The following TIAM1 variants were observed in gnomAD, a reference collection of about 807,000 sequenced individuals.
TIAM1 encodes rho guanine nucleotide exchange factor TIAM1.
TIAM1 carries 65 observed loss-of-function variants against 163.5 expected under a neutral mutation model. The ratio of observed to expected loss-of-function variants is 0.40; its 90% CI spans 0.33 to 0.49. TIAM1 has a LOEUF of 0.49. Ranked by LOEUF, TIAM1 falls within the 20% of genes least tolerant of loss-of-function variation. The pLI, the probability that TIAM1 is intolerant of heterozygous loss-of-function variation, is 0.77. For missense variants in TIAM1, 1,789 were observed against 2,044.7 expected, an observed-to-expected ratio of 0.87 and a Z score of 2.41; for synonymous variants, 833 against 810.1, an observed-to-expected ratio of 1.03 and a Z score of -0.48.
chr21:31,217,262 CT>C (rs1030346277), intron 9 of TIAM1, among the ~76,000 whole-genome samples: 33 of 151,856 alleles, frequency 2.2e-4, no homozygotes, highest in African/African-American at 7.5e-4. Context: ...CAGAGCCCTG[CT>C]TTTTCCTGAA....
At chr21:31,433,271 G>A (rs2044104145) in intron 2 of TIAM1, among the ~76,000 whole-genome samples, 1 of 152,142 alleles carries the variant, frequency 6.6e-6, no homozygotes, top group East Asian at 1.9e-4. Context: ...ATAGTTATTG[G>A]TATCATTTAG....
chr21:31,453,953 T>C (rs1245287364), intron 2 of TIAM1, among the ~76,000 whole-genome samples: 1 of 152,112 alleles, frequency 6.6e-6, no homozygotes, highest in Non-Finnish European at 1.5e-5. Flanking sequence ...CGAGCTGTTA[T>C]TACCTCTTCC....
chr21:31,308,400 C>T (rs2074798318), intron 2 of TIAM1, among the ~76,000 whole-genome samples: 1 of 151,146 alleles, frequency 6.6e-6, no homozygotes, highest in Non-Finnish European at 1.5e-5. Flanking sequence ...TTCATATATT[C>T]TATATGCCTA....
At chr21:31,282,099 C>T (rs980581133) in intron 2 of TIAM1, among the ~76,000 whole-genome samples, 13 of 152,166 alleles carry the variant, frequency 8.5e-5, no homozygotes, top group Non-Finnish European at 1.6e-4. Flanking sequence ...TAACAGTAAG[C>T]TTTATAACAG....
At chr21:31,154,460 T>G in intron 16 of TIAM1, 34 bp from the exon 17 acceptor site, 1 of 1,594,988 alleles carries the variant, frequency 6.3e-7, no homozygotes, top group Non-Finnish European at 8.6e-7. Context: ...AAGGCAGAGG[T>G]CATTATCCCT....
At chr21:31,236,051 G>A (rs1272449427) in intron 6 of TIAM1, among the ~76,000 whole-genome samples, 6 of 152,232 alleles carry the variant, frequency 3.9e-5, no homozygotes, top group Non-Finnish European at 8.8e-5. Context: ...GGAAAGGGGA[G>A]GTTTCAGGAG....
chr21:31,143,235 C>G (rs773183120), intron 20 of TIAM1, among the ~76,000 whole-genome samples: 7 of 152,154 alleles, frequency 4.6e-5, no homozygotes, highest in Non-Finnish European at 8.8e-5. Context: ...GGAAAAAGCA[C>G]ATTCTTCACA....
At chr21:31,540,409 G>A (rs780992406) in intron 1 of TIAM1, among the ~76,000 whole-genome samples, 1 of 151,004 alleles carries the variant, frequency 6.6e-6, no homozygotes, top group African/African-American at 2.4e-5. Context: ...AAAAGGTAGC[G>A]AGTACAATGG....
chr21:31,343,050 T>C (rs1396640412), intron 1 of TIAM1, among the ~76,000 whole-genome samples: 1 of 152,196 alleles, frequency 6.6e-6, no homozygotes, highest in Non-Finnish European at 1.5e-5. Flanking sequence ...TTGCTATAAA[T>C]ACAACAGGAG....
chr21:31,135,897 T>A, intron 23 of TIAM1, 36 bp downstream of exon 23: 1 of 1,574,744 alleles, frequency 6.4e-7, no homozygotes, highest in Non-Finnish European at 8.7e-7. Flanking sequence ...TAAGCTAGAC[T>A]TTTCCCCCTC....
rs73899686 is a variant in TIAM1 at position 31,205,500 on chromosome 21, C to T, written c.2389-2488G>A. 7.9e-3 allele frequency among the ~76,000 whole-genome samples: 1,203 copies of T among 152,330 alleles called. 14 individuals carry two copies. The highest frequency in any genetic ancestry group is 0.027 in the African/African-American group (1,119 of 41,582). On this transcript the variant is annotated intron_variant, in intron 11 of 27. Transcript: ENST00000541036. ...GTGTGAGAGACAGCCCACTGTCAGG[C>T]ACAAATAGCCTAAGGTGGTCCTGGT...
In TIAM1 at chr21:31,398,000, G is replaced by A. The variant is rs1336357861; in HGVS notation, c.-368-58578C>T. 2.0e-5 allele frequency among the ~76,000 whole-genome samples: 3 copies of A among 151,752 alleles called. No individual in the cohort carries two copies. The East Asian group carries it at 5.8e-4, about 29-fold the overall frequency. ...CTGTGCAGATCTGCACAGACTCCAA[G>A]TACCTCCCACTGCCATGGGATGTAC... On this transcript the variant is annotated intron_variant, in intron 2 of 28. Transcript: ENST00000286827.
At chr21:31,293,585 T>A (rs2074114685) in intron 2 of TIAM1, among the ~76,000 whole-genome samples, 1 of 152,162 alleles carries the variant, frequency 6.6e-6, no homozygotes, top group Admixed American at 6.5e-5. Flanking sequence ...CAATGCAATA[T>A]CCAACAGGTG....
chr21:31,455,078 C>T (rs1602321200), intron 2 of TIAM1, among the ~76,000 whole-genome samples: 1 of 151,980 alleles, frequency 6.6e-6, no homozygotes, highest in East Asian at 2.0e-4. Context: ...GTCAGGAGTT[C>T]GAGACCAGCC....
intron 1 of TIAM1, among the ~76,000 whole-genome samples, chr21:31,545,440 T>G (rs563774466): frequency 1.3e-5 from 2 of 152,282 alleles, no homozygotes; most frequent in African/African-American, 4.8e-5. Flanking sequence ...GGGAGGAAAC[T>G]AACAAAGACA....
At chr21:31,278,605 C>A (rs1424796040) in intron 2 of TIAM1, among the ~76,000 whole-genome samples, 1 of 152,210 alleles carries the variant, frequency 6.6e-6, no homozygotes, top group Non-Finnish European at 1.5e-5. Context: ...GAGCCACATA[C>A]AGGCAGTAAA....
Position 31,120,796 on chromosome 21 carries a change from GC to G in TIAM1, c.4347del (p.Leu1450TrpfsTer35), listed in dbSNP as rs1182139106. ...TCAATGGTAAACCTGTTTCGAGCCA[GC>G]CGCCGCCTCCTCCTCCCAAGAGACT... Reference protein sequence around the residue: ...PSKSLGRRRRRLARNRFTIDS... With the variant: ...PSKSLGRRRRXLARNRFTIDS... On this transcript the variant is annotated frameshift_variant, in exon 28 of 28. Transcript: ENST00000541036. LOFTEE classifies it high-confidence loss of function. This position sits in a 1 kb window ranked among gnomAD's most constrained non-coding sequence, Gnocchi z 4.2. 1 of 1,613,546 alleles carries G rather than the reference GC, an allele frequency of 6.2e-7. No individual in the cohort carries two copies. The highest frequency in any genetic ancestry group is 8.5e-7 in the Non-Finnish European group (1 of 1,179,928).
intron 1 of TIAM1, among the ~76,000 whole-genome samples, chr21:31,557,251 A>T (rs1207096034): frequency 6.6e-6 from 1 of 152,192 alleles, no homozygotes; most frequent in Admixed American, 6.5e-5. Context: ...TGAGAACAGC[A>T]GTCCTTCATG....
chr21:31,342,354 G>A (rs2076045108), intron 1 of TIAM1, among the ~76,000 whole-genome samples: 1 of 151,696 alleles, frequency 6.6e-6, no homozygotes, highest in African/African-American at 2.4e-5. Context: ...ACTGGGAGAG[G>A]TGGGGAGACA....
Sources: allele counts gnomAD v4.1 joint callset (sites outside exome capture counted in the v4.1 genomes callset), GRCh38; gene constraint gnomAD v4.1.1; non-coding constraint Gnocchi (gnomAD v3.1); transcripts MANE v1.5; gene names NCBI Gene and HGNC (gene_info 2026-07-23, HGNC 2026-07-21).